OR6B1: variants seen among roughly 807,000 people sequenced by gnomAD.
OR6B1 encodes olfactory receptor 6B1.
Under a neutral mutation model 15.4 loss-of-function variants are expected in OR6B1, and 15 were observed. That is an observed-to-expected ratio of 0.97 (90% CI 0.65 to 1.50). OR6B1 has a LOEUF of 1.50. Ranked by LOEUF, OR6B1 falls within the 40% of genes most tolerant of loss-of-function variation. The pLI is 0.00. For missense variants in OR6B1, 384 were observed against 385.0 expected (o/e 1.00, Z 0.02); for synonymous variants, 139 against 144.9 (o/e 0.96, Z 0.29).
chr7:144,004,212 G>A lies in OR6B1; in HGVS notation c.216G>A (p.Trp72Ter), dbSNP rs770931835. The change falls in exon 2 of 2, where the codon TGG (tryptophan) becomes TGA (stop). Residue 72 changes from tryptophan to a stop codon, truncating the protein, a stop_gained. Coordinates refer to ENST00000641698, the MANE Select transcript of OR6B1 (RefSeq NM_001005281.3). LOFTEE classifies it high-confidence loss of function. ...FLANLSFLET[W>*]YISVTVPKLL... Reference sequence around the variant, plus strand: ...CCAACCTGTCCTTCTTGGAGACCTGGTACATCTCTGTGACTGTGCCCAAGT... The same window carrying A: ...CCAACCTGTCCTTCTTGGAGACCTGATACATCTCTGTGACTGTGCCCAAGT... The A allele has an allele frequency of 1.9e-5, 31 of 1,614,020 alleles. No individual in the cohort carries two copies. The Middle Eastern group carries it at 6.6e-4, about 34-fold the overall frequency.
rs1031949440 is a variant in OR6B1 at position 144,008,607 on chromosome 7, G to A, written c.*3675G>A. On this transcript the variant is annotated 3_prime_UTR_variant, in exon 2 of 2. Coordinates refer to ENST00000641698, the MANE Select transcript of OR6B1 (RefSeq NM_001005281.3). ...CCCCATGCTGTTCTCATGATAGTGA[G>A]TGAGTTCTCACAAGATCCGATGGTT... The A allele has an allele frequency of 4.6e-5, 7 of 152,200 alleles. No individual in the cohort carries two copies. Among genetic ancestry groups the A allele is most frequent in the African/African-American group, 1.7e-4 (7 of 41,428 alleles). 9.4% of individuals were successfully genotyped at this position (152,200 alleles called of 1,614,324 possible).
At chr7:144,003,804 C>A (rs927402525) in intron 1 of OR6B1, 168 bp from the exon 2 acceptor site, 1 of 594,716 alleles carries the variant, frequency 1.7e-6, no homozygotes, top group Admixed American at 3.0e-5. Flanking sequence ...CACACACACA[C>A]ACACACGGCT....
chr7:144,008,475 G>A lies in OR6B1; in HGVS notation c.*3543G>A, dbSNP rs1041036260. On this transcript the variant is annotated 3_prime_UTR_variant, in exon 2 of 2. Coordinates refer to ENST00000641698, the MANE Select transcript of OR6B1 (RefSeq NM_001005281.3). ...AGAGCAGTGAGAAAAGGGTAAGCAG[G>A]TGATATGGTCTGGCTCTGTTTCCCT... 4 of 152,236 alleles carry A rather than the reference G, an allele frequency of 2.6e-5. No homozygotes were observed. The highest frequency in any genetic ancestry group is 9.7e-5 in the African/African-American group (4 of 41,420). 9.4% of individuals were successfully genotyped at this position (152,236 alleles called of 1,614,324 possible).
In OR6B1 at chr7:144,004,673, T is replaced by C. The variant is rs776386317; in HGVS notation, c.677T>C (p.Leu226Ser). 1 of 1,614,120 alleles carries C rather than the reference T, an allele frequency of 6.2e-7. No homozygotes were observed. Among genetic ancestry groups the C allele is most frequent in the Non-Finnish European group, 8.5e-7 (1 of 1,180,038 alleles). The change falls in exon 2 of 2, where the codon TTA becomes TCA. Residue 226 changes from leucine to serine, a missense_variant. Transcript: ENST00000641698. ...LSYGCILATI[L>S]CMPTGKQKAF... ...TACGGATGCATTCTGGCCACCATAT[T>C]ATGCATGCCCACAGGAAAGCAGAAA...
chr7:144,002,945 AG>A (rs2050593931), intron 1 of OR6B1, among the ~76,000 whole-genome samples: 1 of 152,100 alleles, frequency 6.6e-6, no homozygotes, highest in Non-Finnish European at 1.5e-5. Context: ...ACCTCCTCAA[AG>A]GTCAGAGGGA....
chr7:144,006,272 A>G lies in OR6B1; in HGVS notation c.*1340A>G, dbSNP rs1311479624. 1 of 152,220 alleles carries G rather than the reference A, an allele frequency of 6.6e-6. No individual in the cohort carries two copies. Among genetic ancestry groups the G allele is most frequent in the Non-Finnish European group, 1.5e-5 (1 of 68,022 alleles). 9.4% of individuals were successfully genotyped at this position (152,220 alleles called of 1,614,324 possible). A position where few individuals can be genotyped will look rare whatever the true frequency, so the allele number is the denominator to read the frequency against. On this transcript the variant is annotated 3_prime_UTR_variant, in exon 2 of 2. Transcript: ENST00000641698. ...GAATCCAAACCCTGGGTCTTTCTCT[A>G]GTGAATGGGCTCTCCCTAGAGAGAA...
Position 144,006,672 on chromosome 7 carries a change from T to C in OR6B1, c.*1740T>C, listed in dbSNP as rs2050626967. On this transcript the variant is annotated 3_prime_UTR_variant, in exon 2 of 2. Transcript: ENST00000641698. ...TGCATAGTCATATAGGGATATTAAA[T>C]GTGTGCATTAAGAAAGGAAAAGACA... is the stretch of plus-strand genomic sequence containing the variant. The C allele has an allele frequency of 1.3e-5, 2 of 152,180 alleles. No homozygotes were observed. The highest frequency in any genetic ancestry group is 6.5e-5 in the Admixed American group (1 of 15,280). 9.4% of individuals were successfully genotyped at this position (152,180 alleles called of 1,614,324 possible).
Position 144,005,102 on chromosome 7 carries a change from T to G in OR6B1, c.*170T>G. 1 of 592,750 alleles carries G rather than the reference T, an allele frequency of 1.7e-6. No individual in the cohort carries two copies. Among genetic ancestry groups the G allele is most frequent in the Non-Finnish European group, 3.0e-6 (1 of 337,016 alleles). The allele number at this position is 592,750 out of a possible 1,614,324, so 36.7% of individuals were successfully genotyped here. Reference sequence around the variant, plus strand: ...CTGCATCTGTGCATATGGTCAGTGCTCTAAGGCCATACACCTTCTAGAGAG... The same window carrying G: ...CTGCATCTGTGCATATGGTCAGTGCGCTAAGGCCATACACCTTCTAGAGAG... On this transcript the variant is annotated 3_prime_UTR_variant, in exon 2 of 2. Transcript: ENST00000641698.
At position 144,004,762 on chromosome 7, in the gene OR6B1, A is replaced by C. The variant is rs201929158; in HGVS notation, c.766A>C (p.Met256Leu). Reference protein sequence around the residue: ...VTIFYSAIIFMYARPRVIHAF... With the variant: ...VTIFYSAIIFLYARPRVIHAF... ...CATTTTCTATTCAGCCATTATTTTC[A>C]TGTATGCTCGACCTCGAGTTATCCA... The change falls in exon 2 of 2, where the codon ATG becomes CTG. Residue 256 changes from methionine to leucine, a missense_variant. Coordinates refer to ENST00000641698, the MANE Select transcript of OR6B1 (RefSeq NM_001005281.3). 6.8e-5 allele frequency: 110 copies of C among 1,614,152 alleles called. No homozygotes were observed. The highest frequency in any genetic ancestry group is 1.1e-5 in the Non-Finnish European group (13 of 1,180,026).
At chr7:144,003,663 G>T (rs1259837436) in intron 1 of OR6B1, among the ~76,000 whole-genome samples, 1 of 152,014 alleles carries the variant, frequency 6.6e-6, no homozygotes, top group Non-Finnish European at 1.5e-5. Context: ...AGGAGCGTGG[G>T]CTTTAGACTG....
At position 144,005,042 on chromosome 7, in the gene OR6B1, C is replaced by T; in HGVS notation, c.*110C>T. ...GACACTGCCCATGTTAATATGACAT[C>T]ACCATGTCTACTTCAATCTCAGGCG... On this transcript the variant is annotated 3_prime_UTR_variant, in exon 2 of 2. Coordinates refer to ENST00000641698, the MANE Select transcript of OR6B1 (RefSeq NM_001005281.3). 2 of 743,700 alleles carry T rather than the reference C, an allele frequency of 2.7e-6. No homozygotes were observed. Among genetic ancestry groups the T allele is most frequent in the Non-Finnish European group, 4.3e-6 (2 of 464,800 alleles). The allele number at this position is 743,700 out of a possible 1,614,324, so 46.1% of individuals were successfully genotyped here.
chr7:144,004,018 C>T lies in OR6B1; in HGVS notation c.22C>T (p.Arg8Ter), dbSNP rs778280339. The change falls in exon 2 of 2, where the codon CGA becomes TGA. Residue 8 changes from arginine to a stop codon, truncating the protein, a stop_gained. Transcript: ENST00000641698. LOFTEE classifies it high-confidence loss of function. The stretch of plus-strand genomic sequence containing the variant: ...CAATATGGAGTTGGAGAACCAGACA[C>T]GAGTCACCAAGTTCATTCTGGTGGG... MELENQT[R>*]VTKFILVGFP... is the part of the protein sequence containing the mutation. 9.9e-6 allele frequency: 16 copies of T among 1,611,556 alleles called. No homozygotes were observed. Among genetic ancestry groups the T allele is most frequent in the East Asian group, 2.2e-5 (1 of 44,872 alleles).
rs2050632270 is a variant in OR6B1 at position 144,007,532 on chromosome 7, C to T, written c.*2600C>T. ...TATAAATATATATTAATTACACATG[C>T]AGTATATATTTTAAATCACTATATT... is the stretch of plus-strand genomic sequence containing the variant. On this transcript the variant is annotated 3_prime_UTR_variant, in exon 2 of 2. Coordinates refer to ENST00000641698, the MANE Select transcript of OR6B1 (RefSeq NM_001005281.3). 6.6e-6 allele frequency: 1 copy of T among 151,946 alleles called. No homozygotes were observed. Among genetic ancestry groups the T allele is most frequent in the Non-Finnish European group, 1.5e-5 (1 of 68,004 alleles). 9.4% of individuals were successfully genotyped at this position (151,946 alleles called of 1,614,324 possible).
In OR6B1 at chr7:144,004,916, C is replaced by T; in HGVS notation, c.920C>T (p.Ala307Val). Reference protein sequence around the residue: ...EALKKLAYCQASRSD With the variant: ...EALKKLAYCQVSRSD ...CTGAAGAAACTGGCATATTGCCAGG[C>T]CAGCAGATCTGACTAGTCAATTACA... is the stretch of plus-strand genomic sequence containing the variant. The change falls in exon 2 of 2, where the codon GCC (alanine) becomes GTC (valine). Residue 307 changes from alanine (A) to valine (V), a missense_variant. Transcript: ENST00000641698. 1 of 1,601,032 alleles carries T rather than the reference C, an allele frequency of 6.2e-7. No homozygotes were observed. The highest frequency in any genetic ancestry group is 8.5e-7 in the Non-Finnish European group (1 of 1,177,506).
rs146207234 is a variant in OR6B1, at chr7:144,005,056, C to T, written c.*124C>T. On this transcript the variant is annotated 3_prime_UTR_variant, in exon 2 of 2. Transcript: ENST00000641698. ...TAATATGACATCACCATGTCTACTT[C>T]AATCTCAGGCGCTTGGGTATCTGCA... 5.4e-5 allele frequency: 37 copies of T among 685,926 alleles called. No homozygotes were observed. Among genetic ancestry groups the T allele is most frequent in the African/African-American group, 5.0e-4 (28 of 55,506 alleles). The allele number at this position is 685,926 out of a possible 1,614,324, so 42.5% of individuals were successfully genotyped here. A position where few individuals can be genotyped will look rare whatever the true frequency, so the allele number is the denominator to read the frequency against.
At position 144,002,842 on chromosome 7, in the gene OR6B1, C is replaced by G. The variant is rs548160161; in HGVS notation, c.-25-1130C>G. Among the ~76,000 whole-genome samples, 9 of 152,210 alleles carry G rather than the reference C, an allele frequency of 5.9e-5. No individual in the cohort carries two copies. The East Asian group carries it at 1.7e-3, about 29-fold the overall frequency. On this transcript the variant is annotated intron_variant, in intron 1 of 1. Coordinates refer to ENST00000641698, the MANE Select transcript of OR6B1 (RefSeq NM_001005281.3). Reference sequence around the variant, plus strand: ...TCCTTGGCTCCTTTCCCATCCATCACAGCATGGCAATCATATCTCCTTCAG... The same window carrying G: ...TCCTTGGCTCCTTTCCCATCCATCAGAGCATGGCAATCATATCTCCTTCAG...
In OR6B1 at chr7:144,004,043, G is replaced by A; in HGVS notation, c.47G>A (p.Gly16Glu). The A allele has an allele frequency of 1.2e-6, 2 of 1,613,928 alleles. No homozygotes were observed. Among genetic ancestry groups the A allele is most frequent in the South Asian group, 2.2e-5 (2 of 91,030 alleles). The change falls in exon 2 of 2, where the codon GGA becomes GAA. Residue 16 changes from glycine to glutamate, a missense_variant. Transcript: ENST00000641698. ...CGAGTCACCAAGTTCATTCTGGTGG[G>A]ATTCCCTGGGAGCTTGAGTATGCGG... ...QTRVTKFILV[G>E]FPGSLSMRAA... is the part of the protein sequence containing the mutation.
Position 144,005,168 on chromosome 7 carries a change from G to A in OR6B1, c.*236G>A. On this transcript the variant is annotated 3_prime_UTR_variant, in exon 2 of 2. Coordinates refer to ENST00000641698, the MANE Select transcript of OR6B1 (RefSeq NM_001005281.3). Reference sequence around the variant, plus strand: ...CTCAATGGTTGTGACCCCAAATGGGGTTTCTAAGACTGTGAGTAAATTTAT... The same window carrying A: ...CTCAATGGTTGTGACCCCAAATGGGATTTCTAAGACTGTGAGTAAATTTAT... 1 of 456,110 alleles carries A rather than the reference G, an allele frequency of 2.2e-6. No individual in the cohort carries two copies. The highest frequency in any genetic ancestry group is 3.9e-6 in the Non-Finnish European group (1 of 257,160). The allele number at this position is 456,110 out of a possible 1,614,324, so 28.3% of individuals were successfully genotyped here.
rs1439074531 is a variant in OR6B1, at chr7:144,004,804, A to G, written c.808A>G (p.Lys270Glu). 1.9e-6 allele frequency: 3 copies of G among 1,614,036 alleles called. No homozygotes were observed. The highest frequency in any genetic ancestry group is 2.5e-6 in the Non-Finnish European group (3 of 1,179,992). The change falls in exon 2 of 2, where the codon AAA (lysine) becomes GAA (glutamate). Residue 270 changes from lysine (K) to glutamate (E), a missense_variant. Coordinates refer to ENST00000641698, the MANE Select transcript of OR6B1 (RefSeq NM_001005281.3). ...AGTTATCCATGCCTTCAACATGAAC[A>G]AAATTATTTCCATCTTCTATGCCAT... The part of the protein sequence containing the change: ...PRVIHAFNMN[K>E]IISIFYAIVT...
Sources: allele counts gnomAD v4.1 joint callset (sites outside exome capture counted in the v4.1 genomes callset), GRCh38; gene constraint gnomAD v4.1.1; transcripts MANE v1.5; gene names NCBI Gene and HGNC (gene_info 2026-07-23, HGNC 2026-07-21).